GALNT18: variants seen among roughly 807,000 people sequenced by gnomAD.
The protein encoded by GALNT18 is GalNAc-transferase 18.
GALNT18 carries 44 observed loss-of-function variants against 69.5 expected under a neutral mutation model. The ratio of observed to expected loss-of-function variants is 0.63; its 90% CI spans 0.50 to 0.81. The LOEUF is 0.81. Among genes scored for constraint, GALNT18 ranks in the 40% least tolerant of loss-of-function variants. The pLI is 0.00. For synonymous variants in GALNT18, 364 were observed against 318.2 expected, an observed-to-expected ratio of 1.14 and a Z score of -1.53; for missense variants, 715 against 810.0, an observed-to-expected ratio of 0.88 and a Z score of 1.42.
At chr11:11,400,100 C>T (rs908186567) in intron 3 of GALNT18, among the ~76,000 whole-genome samples, 1 of 152,134 alleles carries the variant, frequency 6.6e-6, no homozygotes, top group Non-Finnish European at 1.5e-5. Context: ...AAAACCATTC[C>T]AGCTTGGACA....
At chr11:11,331,843 G>A (rs554295509) in intron 8 of GALNT18, among the ~76,000 whole-genome samples, 1 of 152,150 alleles carries the variant, frequency 6.6e-6, no homozygotes, top group South Asian at 2.1e-4. Context: ...AAAGCCAGGC[G>A]AGATAGCCAA....
chr11:11,293,116 G>T lies in GALNT18; in HGVS notation c.1590C>A (p.Cys530Ter). The change falls in exon 10 of 11, where the codon TGC becomes TGA. Residue 530 changes from cysteine to a stop codon, truncating the protein, a stop_gained. Coordinates refer to ENST00000227756, the MANE Select transcript of GALNT18 (RefSeq NM_198516.3). LOFTEE classifies it high-confidence loss of function. ...GGGGCCGGCTGTTGACGTCCACCAG[G>T]CATCGGTTGTCATCATCATCCACGG... ...SPTVDDDDNR[C>*]LVDVNSRPRL... 1 of 1,374,252 alleles carries T rather than the reference G, an allele frequency of 7.3e-7. No individual in the cohort carries two copies. Among genetic ancestry groups the T allele is most frequent in the Non-Finnish European group, 9.5e-7 (1 of 1,054,172 alleles). The allele number at this position is 1,374,252 out of a possible 1,614,324, so 85.1% of individuals were successfully genotyped here. A position where few individuals can be genotyped will look rare whatever the true frequency, so the allele number is the denominator to read the frequency against.
chr11:11,608,419 GTGCAATCTCGGCTCAC>G (rs1859805903), intron 1 of GALNT18, among the ~76,000 whole-genome samples: 1 of 151,952 alleles, frequency 6.6e-6, no homozygotes, highest in Non-Finnish European at 1.5e-5. Context: ...GAGTACAATG[GTGCAATCTCGGCTCAC>G]TGCAACCTCC....
chr11:11,448,608 G>A (rs913280405), intron 2 of GALNT18, 136 bp downstream of exon 2: 3 of 616,594 alleles, frequency 4.9e-6, no homozygotes, highest in Non-Finnish European at 7.9e-6. Context: ...AACGCAAGCC[G>A]AGGGGACAGG....
chr11:11,390,993 G>T (rs1048742637), intron 3 of GALNT18, among the ~76,000 whole-genome samples: 1 of 152,182 alleles, frequency 6.6e-6, no homozygotes, highest in African/African-American at 2.4e-5. Flanking sequence ...CTTCACAGCT[G>T]GTGCCATTAC....
chr11:11,404,356 G>A lies in GALNT18; in HGVS notation c.596-25092C>T, dbSNP rs372199822. Among the ~76,000 whole-genome samples, 5 of 152,252 alleles carry A rather than the reference G, an allele frequency of 3.3e-5. No individual in the cohort carries two copies. The East Asian group carries it at 5.8e-4, about 18-fold the overall frequency. ...GGGTATATTAGTTGGATTCAACTTC[G>A]GCTGCTTTTATTCTCTCACCCTCCC... On this transcript the variant is annotated intron_variant, in intron 3 of 10. Transcript: ENST00000227756. The surrounding 1 kb of genome is among the most constrained non-coding windows in gnomAD (Gnocchi z 4.5).
chr11:11,360,290 C>T (rs755112122), intron 6 of GALNT18, among the ~76,000 whole-genome samples: 8 of 152,188 alleles, frequency 5.3e-5, no homozygotes, highest in Non-Finnish European at 1.0e-4. Context: ...ACCTAACTTC[C>T]GCAGGTGGAG....
intron 1 of GALNT18, among the ~76,000 whole-genome samples, chr11:11,571,641 A>G (rs1192470413): frequency 6.6e-6 from 1 of 152,210 alleles, no homozygotes; most frequent in African/African-American, 2.4e-5. Flanking sequence ...CCTCTTGTCA[A>G]TTAGCCATGT....
intron 1 of GALNT18, among the ~76,000 whole-genome samples, chr11:11,528,758 G>A (rs1030150669): frequency 2.6e-5 from 4 of 152,210 alleles, no homozygotes; most frequent in Non-Finnish European, 4.4e-5. Flanking sequence ...TGATAGATTT[G>A]AGAATGGAAT....
At chr11:11,286,516 G>A (rs150359064) in intron 10 of GALNT18, among the ~76,000 whole-genome samples, 12 of 152,162 alleles carry the variant, frequency 7.9e-5, no homozygotes, top group African/African-American at 2.9e-4. Context: ...CAGTGAGCAT[G>A]CATGCATCCG....
rs1856045336 is a variant in GALNT18 at position 11,461,589 on chromosome 11, G to T, written c.236-12653C>A. On this transcript the variant is annotated intron_variant, in intron 1 of 10. Transcript: ENST00000227756. This position sits in a 1 kb window ranked among gnomAD's most constrained non-coding sequence, Gnocchi z 4.1. ...GCTCCCGCCCGCCACCGAGCTGACA[G>T]CCCGGAGCTGACACCCGGACTTCTA... Among the ~76,000 whole-genome samples, 2 of 152,164 alleles carry T rather than the reference G, an allele frequency of 1.3e-5. No individual in the cohort carries two copies. The highest frequency in any genetic ancestry group is 4.1e-4 in the South Asian group (2 of 4,824).
intron 3 of GALNT18, among the ~76,000 whole-genome samples, chr11:11,429,457 C>T (rs1225009045): frequency 6.6e-6 from 1 of 152,232 alleles, no homozygotes; most frequent in Non-Finnish European, 1.5e-5. Flanking sequence ...CGTATTCCCA[C>T]ATTTCCCCTC....
chr11:11,520,042 G>C (rs1046478278), intron 1 of GALNT18, among the ~76,000 whole-genome samples: 12 of 152,208 alleles, frequency 7.9e-5, no homozygotes, highest in Non-Finnish European at 1.6e-4. Context: ...CAAACAGCTG[G>C]CACTGGGGAG....
intron 2 of GALNT18, among the ~76,000 whole-genome samples, chr11:11,437,042 C>T (rs976187451): frequency 4.6e-5 from 7 of 152,136 alleles, no homozygotes; most frequent in East Asian, 1.9e-4. Context: ...CTGCCGCAGC[C>T]GGGACCCTGC....
At chr11:11,608,534 A>ATT (rs201490107) in intron 1 of GALNT18, among the ~76,000 whole-genome samples, 2 of 151,444 alleles carry the variant, frequency 1.3e-5, no homozygotes, top group Non-Finnish European at 1.5e-5. Context: ...TAATTTTTGT[A>ATT]TTTTTTTTAG....
Position 11,487,135 on chromosome 11 carries a change from C to T in GALNT18, c.236-38199G>A, listed in dbSNP as rs1444825931. On this transcript the variant is annotated intron_variant, in intron 1 of 10. Transcript: ENST00000227756. ...TGAATCTTCCCCACTCATCTCCCCT[C>T]CCCCTTTATTTAACCATTCCACTTC... is the stretch of plus-strand genomic sequence containing the variant. 3.3e-5 allele frequency among the ~76,000 whole-genome samples: 5 copies of T among 152,238 alleles called. No homozygotes were observed. In the East Asian group the frequency reaches 5.8e-4, roughly 18 times the overall value.
chr11:11,585,079 C>G (rs1200250696), intron 1 of GALNT18, among the ~76,000 whole-genome samples: 1 of 152,150 alleles, frequency 6.6e-6, no homozygotes, highest in Non-Finnish European at 1.5e-5. Context: ...GAAGATCTGC[C>G]TAACTCTGTG....
At chr11:11,282,894 G>A (rs1408877465) in intron 10 of GALNT18, among the ~76,000 whole-genome samples, 2 of 151,842 alleles carry the variant, frequency 1.3e-5, no homozygotes, top group Admixed American at 1.3e-4. Flanking sequence ...CATGCGAGAA[G>A]GTGATAAGGT....
At chr11:11,385,208 C>T (rs532300221) in intron 3 of GALNT18, among the ~76,000 whole-genome samples, 3 of 152,162 alleles carry the variant, frequency 2.0e-5, no homozygotes, top group South Asian at 4.2e-4. Flanking sequence ...TCCCCACCAC[C>T]CCAGGGAGGG....
Sources: allele counts gnomAD v4.1 joint callset (sites outside exome capture counted in the v4.1 genomes callset), GRCh38; gene constraint gnomAD v4.1.1; non-coding constraint Gnocchi (gnomAD v3.1); transcripts MANE v1.5; gene names NCBI Gene and HGNC (gene_info 2026-07-23, HGNC 2026-07-21).